Variants in PSMA8 observed in about 807,000 individuals in gnomAD.
PSMA8 encodes the protein proteasome subunit alpha-type 8.
A neutral mutation model predicts 32.4 loss-of-function variants in PSMA8; 18 were observed. The ratio of observed to expected loss-of-function variants is 0.56; its 90% CI spans 0.38 to 0.82. The LOEUF (loss-of-function observed/expected upper bound fraction) is 0.82, where lower values mean the gene tolerates loss of function less well. Among genes scored for constraint, PSMA8 ranks in the 40% least tolerant of loss-of-function variants. The probability of loss-of-function intolerance (pLI) is 0.00; values close to 1 mark genes in which losing one functional copy is unlikely to be tolerated. For missense variants in PSMA8, 298 were observed against 300.7 expected, an observed-to-expected ratio of 0.99 and a Z score of 0.07; for synonymous variants, 104 against 98.1, an observed-to-expected ratio of 1.06 and a Z score of -0.36.
chr18:26,163,213 G>GTGTGTATATATA (rs1420987062), intron 4 of PSMA8, among the ~76,000 whole-genome samples: 8 of 80,912 alleles, frequency 9.9e-5, no homozygotes, highest in African/African-American at 3.6e-4. Context: ...ATGTGTGTGT[G>GTGTGTATATATA]TATATATATA....
intron 4 of PSMA8, among the ~76,000 whole-genome samples, chr18:26,171,507 G>A (rs942258996): frequency 1.3e-5 from 2 of 152,240 alleles, no homozygotes; most frequent in African/African-American, 4.8e-5. Context: ...GCCGAAGCGG[G>A]TGGATCACTT....
Position 26,178,962 on chromosome 18 carries a change from A to G in PSMA8, c.597+13A>G, listed in dbSNP as rs1207182376. On this transcript the variant is annotated intron_variant, in intron 5 of 6. Transcript: ENST00000415576. ...AGCTTTGCTAGAAGTAAGTGATCTAATAAAGCATATTCAGGAAATCATGAA... is the reference window on the plus strand; with the variant it reads ...AGCTTTGCTAGAAGTAAGTGATCTAGTAAAGCATATTCAGGAAATCATGAA... 2.5e-6 allele frequency: 4 copies of G among 1,609,032 alleles called. No homozygotes were observed. The African/African-American group carries it at 4.0e-5, about 16-fold the overall frequency.
rs576123286 is a variant in PSMA8, at chr18:26,144,822, G to A, written c.229+137G>A. 7 of 682,770 alleles carry A rather than the reference G, an allele frequency of 1.0e-5. No homozygotes were observed. The African/African-American group carries it at 1.3e-4, about 12-fold the overall frequency. 42.3% of individuals were successfully genotyped at this position (682,770 alleles called of 1,614,324 possible). On this transcript the variant is annotated intron_variant, in intron 2 of 6. Transcript: ENST00000415576. ...CAAACAATATATCCTACGTTTTAAA[G>A]CAAATACTAACTTTGTAAACCAGGA...
At chr18:26,178,987 A>G in intron 5 of PSMA8, 38 bp downstream of exon 5, 1 of 1,605,040 alleles carries the variant, frequency 6.2e-7, no homozygotes, top group East Asian at 2.2e-5. Flanking sequence ...GAAATCATGA[A>G]TTTTTTTTCC....
intron 1 of PSMA8, among the ~76,000 whole-genome samples, chr18:26,142,431 C>T (rs553463237): frequency 2.6e-5 from 4 of 152,078 alleles, no homozygotes. Context: ...CCCTGTAATA[C>T]AGAACCAAAA....
At chr18:26,146,494 G>C (rs1320669670) in intron 2 of PSMA8, among the ~76,000 whole-genome samples, 2 of 152,180 alleles carry the variant, frequency 1.3e-5, no homozygotes, top group Non-Finnish European at 2.9e-5. Context: ...TCCAGGCATA[G>C]TGGCTCATAC....
At chr18:26,171,599 TG>T (rs2055222410) in intron 4 of PSMA8, among the ~76,000 whole-genome samples, 1 of 152,198 alleles carries the variant, frequency 6.6e-6, no homozygotes, top group Non-Finnish European at 1.5e-5. Flanking sequence ...CCGGGCTTGG[TG>T]GCAAATGCCT....
intron 4 of PSMA8, among the ~76,000 whole-genome samples, chr18:26,172,051 A>G (rs1001934072): frequency 2.6e-5 from 4 of 152,230 alleles, no homozygotes; most frequent in Non-Finnish European, 5.9e-5. Context: ...CTTGTTTTAT[A>G]GCAAGCAATA....
chr18:26,139,030 C>T (rs1320317950), intron 1 of PSMA8, among the ~76,000 whole-genome samples: 1 of 152,194 alleles, frequency 6.6e-6, no homozygotes, highest in African/African-American at 2.4e-5. Context: ...CAGTGATCCC[C>T]ACCTTGTGGT....
intron 1 of PSMA8, among the ~76,000 whole-genome samples, chr18:26,139,254 A>G (rs958205033): frequency 1.4e-4 from 21 of 152,328 alleles, no homozygotes; most frequent in South Asian, 8.3e-4. Flanking sequence ...GCAGGGCCCA[A>G]TGAGGCAAGG....
chr18:26,183,561 A>T lies in PSMA8; in HGVS notation c.660+4431A>T, dbSNP rs1598671945. Among the ~76,000 whole-genome samples, 2 of 150,936 alleles carry T rather than the reference A, an allele frequency of 1.3e-5. 1 individual carries two copies. The highest frequency in any genetic ancestry group is 3.0e-5 in the Non-Finnish European group (2 of 67,754). On this transcript the variant is annotated intron_variant, in intron 6 of 6. Transcript: ENST00000415576. ...AACTAAAATTAGAAGTGGAGCCTGAATATGCAACTGAATTGCTGCAATCTT... is the reference window on the plus strand; with the variant it reads ...AACTAAAATTAGAAGTGGAGCCTGATTATGCAACTGAATTGCTGCAATCTT...
chr18:26,135,567 G>C (rs1198655680), intron 1 of PSMA8, among the ~76,000 whole-genome samples: 1 of 152,042 alleles, frequency 6.6e-6, no homozygotes, highest in Non-Finnish European at 1.5e-5. Context: ...ATAAATTTAA[G>C]GAAAGCCTGA....
intron 2 of PSMA8, among the ~76,000 whole-genome samples, chr18:26,144,905 A>G (rs1568055203): frequency 6.6e-6 from 1 of 152,210 alleles, no homozygotes; most frequent in African/African-American, 2.4e-5. Context: ...AAATTTAGGT[A>G]GCTATTTTCT....
chr18:26,139,865 G>C (rs1324003634), intron 1 of PSMA8, among the ~76,000 whole-genome samples: 1 of 152,206 alleles, frequency 6.6e-6, no homozygotes, highest in Non-Finnish European at 1.5e-5. Flanking sequence ...AGATAAAAGA[G>C]ACTAACATAG....
intron 1 of PSMA8, among the ~76,000 whole-genome samples, chr18:26,138,801 G>T (rs1278626448): frequency 6.6e-6 from 1 of 152,204 alleles, no homozygotes; most frequent in Non-Finnish European, 1.5e-5. Flanking sequence ...CAGTATACTT[G>T]TTACAATTTG....
intron 2 of PSMA8, among the ~76,000 whole-genome samples, chr18:26,149,969 C>T (rs1367195887): frequency 6.6e-6 from 1 of 152,198 alleles, no homozygotes; most frequent in African/African-American, 2.4e-5. Flanking sequence ...AGAAGTTTTA[C>T]ATTATGATTG....
intron 2 of PSMA8, among the ~76,000 whole-genome samples, chr18:26,148,543 A>T (rs1448131083): frequency 6.6e-6 from 1 of 152,208 alleles, no homozygotes; most frequent in Non-Finnish European, 1.5e-5. Flanking sequence ...CTATGTAAAA[A>T]ATTCACAGCT....
intron 2 of PSMA8, among the ~76,000 whole-genome samples, chr18:26,148,183 A>G (rs1043884252): frequency 2.0e-5 from 3 of 152,152 alleles, no homozygotes; most frequent in Non-Finnish European, 4.4e-5. Flanking sequence ...TAAGACCAAT[A>G]TTAACATAAT....
chr18:26,172,644 A>T (rs1337316490), intron 4 of PSMA8, among the ~76,000 whole-genome samples: 1 of 152,112 alleles, frequency 6.6e-6, no homozygotes, highest in African/African-American at 2.4e-5. Context: ...ATCCATTATT[A>T]TTTAATAATA....
Sources: allele counts gnomAD v4.1 joint callset (sites outside exome capture counted in the v4.1 genomes callset), GRCh38; gene constraint gnomAD v4.1.1; transcripts MANE v1.5; gene names NCBI Gene and HGNC (gene_info 2026-07-23, HGNC 2026-07-21).